The following KANK4 variants were observed in gnomAD, a reference collection of about 807,000 sequenced individuals.
The protein encoded by KANK4 is KN motif and ankyrin repeat domains 4.
In KANK4, 50 loss-of-function variants were observed where a neutral mutation model predicts 80.8. The observed-to-expected ratio is 0.62, with a 90% CI of 0.49 to 0.78. The LOEUF (loss-of-function observed/expected upper bound fraction) is 0.78, where lower values mean the gene tolerates loss of function less well. Ranked by LOEUF, KANK4 falls within the 30% of genes least tolerant of loss-of-function variation. The probability of loss-of-function intolerance (pLI) is 0.00; values close to 1 mark genes in which losing one functional copy is unlikely to be tolerated. For synonymous variants in KANK4, 465 were observed against 506.9 expected, an observed-to-expected ratio of 0.92 and a Z score of 1.11; for missense variants, 1,196 against 1,240.1, an observed-to-expected ratio of 0.96 and a Z score of 0.53.
rs765866201 is a variant in KANK4, at chr1:62,274,528, G to T, written c.576C>A (p.Pro192=). Residue 192 remains proline, a synonymous_variant, in exon 3 of 10, where the codon CCC becomes CCA. Coordinates refer to ENST00000371153, the MANE Select transcript of KANK4 (RefSeq NM_181712.5). Reference sequence around the variant, plus strand: ...CACAGACACTGCCTTCACCCTGAAGGGGAGGGAGGGCAGGAGGGGCAGGGG... The same window carrying T: ...CACAGACACTGCCTTCACCCTGAAGTGGAGGGAGGGCAGGAGGGGCAGGGG... ...LGPPAPPALP[P]LQGEGSVCDG... is the part of the protein sequence containing the mutation. 1 of 1,614,168 alleles carries T rather than the reference G, an allele frequency of 6.2e-7. No individual in the cohort carries two copies. Among genetic ancestry groups the T allele is most frequent in the Non-Finnish European group, 8.5e-7 (1 of 1,179,996 alleles).
chr1:62,298,107 A>C (rs529421880), intron 1 of KANK4: 1 of 152,308 alleles, frequency 6.6e-6, no homozygotes, highest in Non-Finnish European at 1.5e-5. Context: ...TGGATACAAA[A>C]TCAGAATCAC....
At chr1:62,252,633 G>A (rs912997494) in intron 8 of KANK4, among the ~76,000 whole-genome samples, 2 of 152,238 alleles carry the variant, frequency 1.3e-5, no homozygotes, top group Admixed American at 6.5e-5. Context: ...AAAGGCTTTG[G>A]GGTGACAGAG....
intron 1 of KANK4, among the ~76,000 whole-genome samples, chr1:62,301,019 A>G (rs964587503): frequency 1.3e-5 from 2 of 152,078 alleles, no homozygotes; most frequent in Admixed American, 1.3e-4. Context: ...AACGTCTTAC[A>G]TGGTTGGCAG....
chr1:62,276,738 T>A (rs181235373), intron 2 of KANK4, among the ~76,000 whole-genome samples: 1 of 138,304 alleles, frequency 7.2e-6, no homozygotes, highest in East Asian at 2.2e-4. Context: ...GATTGCACCA[T>A]TGTACTCCAG....
intron 8 of KANK4, among the ~76,000 whole-genome samples, chr1:62,251,719 C>A (rs910555010): frequency 6.6e-6 from 1 of 152,154 alleles, no homozygotes; most frequent in African/African-American, 2.4e-5. Context: ...AGAGGCCGGG[C>A]GCGGTGGCTC....
At chr1:62,241,271 C>G (rs887300608) in intron 9 of KANK4, among the ~76,000 whole-genome samples, 1 of 151,998 alleles carries the variant, frequency 6.6e-6, no homozygotes, top group Non-Finnish European at 1.5e-5. Flanking sequence ...AGTCAGAAGA[C>G]AGGAACAGAG....
chr1:62,245,967 G>T (rs965234913), intron 9 of KANK4, among the ~76,000 whole-genome samples: 1 of 152,152 alleles, frequency 6.6e-6, no homozygotes, highest in Non-Finnish European at 1.5e-5. Context: ...GAACGTTAAG[G>T]GTATGGGCCC....
chr1:62,276,524 C>G (rs893467643), intron 2 of KANK4, among the ~76,000 whole-genome samples: 30 of 151,978 alleles, frequency 2.0e-4, no homozygotes, highest in Non-Finnish European at 3.2e-4. Flanking sequence ...GCCTGTAATC[C>G]CAGCTCTTTG....
Position 62,238,335 on chromosome 1 carries a change from A to T in KANK4, c.2930T>A (p.Met977Lys), listed in dbSNP as rs145877699. Residue 977 changes from methionine (M) to lysine (K), a missense_variant, in exon 10 of 10, where the codon ATG becomes AAG. Met to Lys is a moderately conservative substitution (Grantham distance 95). Around this residue, in one of 3 missense-constraint regions of KANK4, gnomAD observed 1,154 missense variants for 1,179.6 expected, o/e 0.98. Coordinates refer to ENST00000371153, the MANE Select transcript of KANK4 (RefSeq NM_181712.5). ...LSIALKSPTH[M>K]EIAGLLRAHA... ...GGCTCTCAGAAGCCCAGCAATTTCCATATGGGTGGGTGACTTCAGAGCGAT... is the reference window on the plus strand; with the variant it reads ...GGCTCTCAGAAGCCCAGCAATTTCCTTATGGGTGGGTGACTTCAGAGCGAT... 2.8e-4 allele frequency: 444 copies of T among 1,613,914 alleles called. 1 individual carries two copies. The highest frequency in any genetic ancestry group is 3.4e-4 in the Non-Finnish European group (400 of 1,180,010).
At chr1:62,279,552 T>C (rs1672407862) in intron 2 of KANK4, among the ~76,000 whole-genome samples, 1 of 152,226 alleles carries the variant, frequency 6.6e-6, no homozygotes, top group Non-Finnish European at 1.5e-5. Context: ...CATCTCCCAC[T>C]TGTGTGATTC....
chr1:62,271,606 T>C lies in KANK4; in HGVS notation c.1901-17A>G, dbSNP rs763258791. The C allele has an allele frequency of 9.6e-6, 15 of 1,560,376 alleles. No homozygotes were observed. Among genetic ancestry groups the C allele is most frequent in the African/African-American group, 4.1e-5 (3 of 73,678 alleles). ...GGGAGATCTCTAGGCAGACACAACA[T>C]CACAGGTTAGAATGATCTTGGGGAT... On this transcript the variant is annotated splice_polypyrimidine_tract_variant and intron_variant, in intron 3 of 9. Coordinates refer to ENST00000371153, the MANE Select transcript of KANK4 (RefSeq NM_181712.5).
At chr1:62,313,718 A>G (rs1048820979) in intron 1 of KANK4, among the ~76,000 whole-genome samples, 3 of 152,074 alleles carry the variant, frequency 2.0e-5, no homozygotes, top group African/African-American at 7.2e-5. Flanking sequence ...GGGCAAGGGG[A>G]GGGAGAGCAT....
intron 6 of KANK4, among the ~76,000 whole-genome samples, chr1:62,263,618 T>C (rs1326577440): frequency 6.6e-6 from 1 of 152,068 alleles, no homozygotes; most frequent in Non-Finnish European, 1.5e-5. Context: ...CAGTAAGAAG[T>C]TTAGCTCAAA....
intron 1 of KANK4, among the ~76,000 whole-genome samples, chr1:62,308,759 C>T (rs1035625192): frequency 5.9e-5 from 9 of 152,190 alleles, no homozygotes; most frequent in Non-Finnish European, 1.0e-4. Flanking sequence ...GGGAACTCAG[C>T]ACCTCAGAGA....
chr1:62,301,291 C>T (rs945572161), intron 1 of KANK4, among the ~76,000 whole-genome samples: 3 of 152,032 alleles, frequency 2.0e-5, no homozygotes, highest in Non-Finnish European at 2.9e-5. Context: ...AATGTGTGCA[C>T]GCTCCTACTA....
intron 1 of KANK4, among the ~76,000 whole-genome samples, chr1:62,300,051 C>T (rs1282572127): frequency 6.6e-6 from 1 of 152,120 alleles, no homozygotes; most frequent in Non-Finnish European, 1.5e-5. Context: ...ACACAAATGC[C>T]TCCTTCACCA....
chr1:62,300,544 G>A (rs891539006), intron 1 of KANK4, among the ~76,000 whole-genome samples: 4 of 152,106 alleles, frequency 2.6e-5, no homozygotes, highest in Admixed American at 6.5e-5. Context: ...AAGTTAAGCA[G>A]GCAGATGGGA....
chr1:62,238,907 G>A (rs1365762963), intron 9 of KANK4, among the ~76,000 whole-genome samples: 1 of 152,040 alleles, frequency 6.6e-6, no homozygotes, highest in Non-Finnish European at 1.5e-5. Flanking sequence ...TGGGATTATA[G>A]GTGTGAGCTA....
chr1:62,242,254 T>C (rs565257167), intron 9 of KANK4, among the ~76,000 whole-genome samples: 1 of 149,228 alleles, frequency 6.7e-6, no homozygotes, highest in Admixed American at 6.8e-5. Context: ...CCCAACACTT[T>C]GGGAGGCTGA....
Sources: allele counts gnomAD v4.1 joint callset (sites outside exome capture counted in the v4.1 genomes callset), GRCh38; gene constraint gnomAD v4.1.1; regional missense constraint gnomAD v4.1.1; transcripts MANE v1.5; gene names NCBI Gene and HGNC (gene_info 2026-07-23, HGNC 2026-07-21).